Variants in SYCP1 observed in about 807,000 individuals in gnomAD.
SYCP1 encodes cancer/testis antigen 8.
SYCP1 carries 64 observed loss-of-function variants against 153.1 expected under a neutral mutation model. The observed-to-expected ratio is 0.42, with a 90% CI of 0.34 to 0.51. The LOEUF is 0.51. Among genes scored for constraint, SYCP1 ranks in the 20% least tolerant of loss-of-function variants. The probability of loss-of-function intolerance (pLI) is 0.06; values close to 1 mark genes in which losing one functional copy is unlikely to be tolerated. For synonymous variants in SYCP1, 384 were observed against 341.8 expected, an observed-to-expected ratio of 1.12 and a Z score of -1.36; for missense variants, 997 against 1,049.0, an observed-to-expected ratio of 0.95 and a Z score of 0.68.
intron 21 of SYCP1, among the ~76,000 whole-genome samples, chr1:114,924,323 G>A (rs549449418): frequency 4.6e-5 from 7 of 152,260 alleles, no homozygotes; most frequent in Admixed American, 6.5e-5. Context: ...CTAGGGGATA[G>A]AGTAACCTGG....
chr1:114,861,016 C>T (rs926963544), intron 8 of SYCP1, among the ~76,000 whole-genome samples: 1 of 152,024 alleles, frequency 6.6e-6, no homozygotes, highest in African/African-American at 2.4e-5. Context: ...TAATATATGT[C>T]AAAGGGTATA....
At chr1:114,954,825 T>C (rs986490158) in intron 27 of SYCP1, among the ~76,000 whole-genome samples, 2 of 152,080 alleles carry the variant, frequency 1.3e-5, no homozygotes, top group Admixed American at 1.3e-4. Context: ...GCGATCCGCC[T>C]GCCTCGGCCT....
chr1:114,938,066 T>C (rs1670138102), intron 23 of SYCP1, among the ~76,000 whole-genome samples: 1 of 152,226 alleles, frequency 6.6e-6, no homozygotes, highest in South Asian at 2.1e-4. Flanking sequence ...CAAAGGATTA[T>C]AAATCATGCT....
intron 16 of SYCP1, among the ~76,000 whole-genome samples, chr1:114,899,650 G>C (rs369832133): frequency 1.3e-5 from 2 of 152,158 alleles, no homozygotes; most frequent in Non-Finnish European, 2.9e-5. Context: ...TGGTACCTCC[G>C]TGGTTTACAA....
chr1:114,933,024 G>A (rs1669745346), intron 23 of SYCP1, among the ~76,000 whole-genome samples: 1 of 152,212 alleles, frequency 6.6e-6, no homozygotes, highest in African/African-American at 2.4e-5. Context: ...AATCCTCCCT[G>A]TCTGACAGCT....
chr1:114,990,121 G>A (rs1557857662), intron 30 of SYCP1, among the ~76,000 whole-genome samples: 1 of 151,896 alleles, frequency 6.6e-6, no homozygotes, highest in East Asian at 1.9e-4. Flanking sequence ...AGGTTTTAAA[G>A]GATAGACATT....
chr1:114,924,388 T>G (rs1352347354), intron 21 of SYCP1, among the ~76,000 whole-genome samples: 4 of 152,132 alleles, frequency 2.6e-5, no homozygotes, highest in Non-Finnish European at 4.4e-5. Context: ...GCAGGACTAC[T>G]GTGGATTTTA....
chr1:114,977,788 T>C, intron 28 of SYCP1, 172 bp downstream of exon 28: 1 of 421,560 alleles, frequency 2.4e-6, no homozygotes, highest in Non-Finnish European at 4.1e-6. Flanking sequence ...TAGCTAAAAA[T>C]TTCAAAATTT....
At chr1:114,949,102 C>T (rs1295441467) in intron 27 of SYCP1, among the ~76,000 whole-genome samples, 4 of 152,150 alleles carry the variant, frequency 2.6e-5, no homozygotes, top group Non-Finnish European at 5.9e-5. Flanking sequence ...GGCTCAGCTC[C>T]TGTCATTTTA....
intron 27 of SYCP1, among the ~76,000 whole-genome samples, chr1:114,976,647 A>G (rs1359253089): frequency 6.6e-6 from 1 of 151,794 alleles, no homozygotes; most frequent in Non-Finnish European, 1.5e-5. Flanking sequence ...AAAAGACAGC[A>G]TTCCAGCCCC....
intron 23 of SYCP1, among the ~76,000 whole-genome samples, chr1:114,929,182 T>C (rs1669463935): frequency 6.6e-6 from 1 of 152,106 alleles, no homozygotes; most frequent in Non-Finnish European, 1.5e-5. Flanking sequence ...ATATGAATTT[T>C]AGGGGAATAC....
intron 1 of SYCP1, 147 bp downstream of exon 1, chr1:114,855,165 G>C (rs992826466): frequency 2.3e-5 from 4 of 173,790 alleles, no homozygotes; most frequent in Non-Finnish European, 4.9e-5. Flanking sequence ...CTGGCGATGT[G>C]ATGGAATTTA....
chr1:114,961,487 CT>C (rs1256667699), intron 27 of SYCP1, among the ~76,000 whole-genome samples: 4 of 152,200 alleles, frequency 2.6e-5, no homozygotes, highest in Non-Finnish European at 5.9e-5. Context: ...ATGCTATGAA[CT>C]TTCCTCTTAG....
Position 114,910,474 on chromosome 1 carries a change from A to G in SYCP1, c.1398A>G (p.Glu466=), listed in dbSNP as rs1668104967. The G allele has an allele frequency of 1.3e-6, 2 of 1,593,366 alleles. No individual in the cohort carries two copies. The highest frequency in any genetic ancestry group is 1.7e-6 in the Non-Finnish European group (2 of 1,171,642). Residue 466 remains glutamate, a synonymous_variant, in exon 17 of 32, where the codon GAA becomes GAG. Coordinates refer to ENST00000369522, the MANE Select transcript of SYCP1 (RefSeq NM_003176.4). ...IAEELKGTEQ[E]LIGLLQAREK... ...AAGAATTAAAAGGAACAGAACAAGAACTAATTGGTCTTCTCCAAGCCAGAG... is the reference window on the plus strand; with the variant it reads ...AAGAATTAAAAGGAACAGAACAAGAGCTAATTGGTCTTCTCCAAGCCAGAG...
At chr1:114,900,149 TGCAC>T (rs1393001387) in intron 16 of SYCP1, among the ~76,000 whole-genome samples, 2 of 152,252 alleles carry the variant, frequency 1.3e-5, no homozygotes, top group African/African-American at 4.8e-5. Flanking sequence ...AGTCAATATA[TGCAC>T]ACACAGAGTT....
chr1:114,921,655 A>G (rs962875318), intron 20 of SYCP1, among the ~76,000 whole-genome samples: 1 of 151,758 alleles, frequency 6.6e-6, no homozygotes, highest in African/African-American at 2.4e-5. Context: ...TCTCAAAAAA[A>G]AAAAACAAAA....
At chr1:114,949,018 G>A (rs1225560804) in intron 27 of SYCP1, among the ~76,000 whole-genome samples, 1 of 151,984 alleles carries the variant, frequency 6.6e-6, no homozygotes, top group Non-Finnish European at 1.5e-5. Context: ...CTCAGGGAAG[G>A]TTTAATAGGC....
At chr1:114,966,841 T>C (rs1672161041) in intron 27 of SYCP1, among the ~76,000 whole-genome samples, 1 of 152,044 alleles carries the variant, frequency 6.6e-6, no homozygotes, top group South Asian at 2.1e-4. Flanking sequence ...TGTGCCAGCA[T>C]ACCTGGCTAA....
At chr1:114,890,167 A>G (rs957722889) in intron 15 of SYCP1, among the ~76,000 whole-genome samples, 6 of 152,110 alleles carry the variant, frequency 3.9e-5, no homozygotes, top group African/African-American at 1.4e-4. Flanking sequence ...GAAGTAACAT[A>G]CCATCCTTTT....
Sources: gnomAD v4.1 joint callset for allele counts (sites outside exome capture counted in the v4.1 genomes callset) on GRCh38, gnomAD v4.1.1 for gene constraint, MANE v1.5 for transcripts, NCBI Gene and HGNC (gene_info 2026-07-23, HGNC 2026-07-21) for gene names.